KCNQ5: variants seen among roughly 807,000 people sequenced by gnomAD.
KCNQ5 encodes the protein potassium voltage-gated channel subfamily KQT member 5.
Under a neutral mutation model 98.2 loss-of-function variants are expected in KCNQ5, and 30 were observed. The observed-to-expected ratio is 0.31, with a 90% CI of 0.23 to 0.41. KCNQ5 has a LOEUF of 0.41. Ranked by LOEUF, KCNQ5 falls within the 10% of genes least tolerant of loss-of-function variation. The pLI, the probability that KCNQ5 is intolerant of heterozygous loss-of-function variation, is 1.00. For missense variants in KCNQ5, 835 were observed against 1,182.5 expected (o/e 0.71, Z 4.31); for synonymous variants, 458 against 449.4 (o/e 1.02, Z -0.24).
At chr6:73,001,280 C>A (rs1342766347) in intron 1 of KCNQ5, among the ~76,000 whole-genome samples, 1 of 152,184 alleles carries the variant, frequency 6.6e-6, no homozygotes, top group Non-Finnish European at 1.5e-5. Context: ...ACTTTGCCCA[C>A]CTCACTAGAT....
chr6:73,043,669 A>G (rs1771822639), intron 3 of KCNQ5, among the ~76,000 whole-genome samples: 3 of 152,224 alleles, frequency 2.0e-5, no homozygotes, highest in African/African-American at 7.2e-5. Context: ...CTCAACTTCT[A>G]CAGGATAAGG....
At chr6:73,175,412 T>A (rs9351980) in intron 11 of KCNQ5, among the ~76,000 whole-genome samples, 72,328 of 151,938 alleles carry the variant, frequency 0.48, 21,278 homozygotes, top group African/African-American at 0.82. Context: ...TTGGCTTCCC[T>A]AAGTGCTGGG....
At chr6:73,159,316 G>C (rs553377600) in intron 10 of KCNQ5, among the ~76,000 whole-genome samples, 2 of 152,152 alleles carry the variant, frequency 1.3e-5, no homozygotes, top group Non-Finnish European at 2.9e-5. Flanking sequence ...TGGACACAAA[G>C]AGGGGAAAAA....
chr6:72,691,010 C>G (rs1237817470), intron 1 of KCNQ5, among the ~76,000 whole-genome samples: 1 of 152,118 alleles, frequency 6.6e-6, no homozygotes, highest in Non-Finnish European at 1.5e-5. Flanking sequence ...CTCTTAACCA[C>G]TGTGTTTATT....
intron 1 of KCNQ5, among the ~76,000 whole-genome samples, chr6:72,813,899 G>C (rs951141318): frequency 4.6e-5 from 7 of 152,094 alleles, no homozygotes; most frequent in Admixed American, 3.9e-4. Flanking sequence ...TGGATATGGA[G>C]AGTCAACTGT....
In KCNQ5 at chr6:73,158,811, T is replaced by C. The variant is rs1252411981; in HGVS notation, c.1469-10935T>C. Among the ~76,000 whole-genome samples, 4 of 152,216 alleles carry C rather than the reference T, an allele frequency of 2.6e-5. No homozygotes were observed. In the East Asian group the frequency reaches 7.7e-4, roughly 29 times the overall value. ...CAACATAAGTAGTTTCATATTTTAA[T>C]TTCATTGCACATTTTTAAATATTTT... is the stretch of plus-strand genomic sequence containing the variant. On this transcript the variant is annotated intron_variant, in intron 10 of 13. Transcript: ENST00000370398.
chr6:72,898,889 T>C (rs1779364091), intron 1 of KCNQ5, among the ~76,000 whole-genome samples: 1 of 152,204 alleles, frequency 6.6e-6, no homozygotes, highest in African/African-American at 2.4e-5. Flanking sequence ...TGAGATGGTA[T>C]CTCATGTGGT....
intron 1 of KCNQ5, among the ~76,000 whole-genome samples, chr6:72,760,635 C>G (rs756116957): frequency 2.0e-5 from 3 of 152,068 alleles, no homozygotes; most frequent in Non-Finnish European, 4.4e-5. Context: ...CTAATATAGA[C>G]AGGATTCCCA....
chr6:73,071,042 G>A (rs1458499696), intron 3 of KCNQ5, among the ~76,000 whole-genome samples: 1 of 152,082 alleles, frequency 6.6e-6, no homozygotes, highest in East Asian at 1.9e-4. Context: ...AAAATGACAT[G>A]AAATCCAGGC....
intron 1 of KCNQ5, among the ~76,000 whole-genome samples, chr6:72,909,783 A>AGG (rs1315371570): frequency 7.5e-4 from 114 of 152,346 alleles, no homozygotes; most frequent in African/African-American, 2.7e-3. Flanking sequence ...GAGATTTCTA[A>AGG]ATTAATAGAC....
intron 6 of KCNQ5, among the ~76,000 whole-genome samples, chr6:73,108,534 A>G (rs1036632689): frequency 6.6e-6 from 1 of 152,214 alleles, no homozygotes; most frequent in Admixed American, 6.5e-5. Context: ...GTTTAAAAAA[A>G]CAGGGCATCT....
chr6:72,677,501 C>T (rs1767473790), intron 1 of KCNQ5, among the ~76,000 whole-genome samples: 1 of 152,206 alleles, frequency 6.6e-6, no homozygotes, highest in Non-Finnish European at 1.5e-5. Context: ...TCTGCTGTCA[C>T]AGAGAATAAA....
chr6:72,623,331 G>A (rs1399500054), intron 1 of KCNQ5, among the ~76,000 whole-genome samples: 1 of 151,322 alleles, frequency 6.6e-6, no homozygotes, highest in East Asian at 1.9e-4. Context: ...GCGCAAATGG[G>A]TCGCCTCTGA....
intron 1 of KCNQ5, among the ~76,000 whole-genome samples, chr6:72,990,669 C>G (rs1769051941): frequency 8.0e-6 from 1 of 125,092 alleles, no homozygotes; most frequent in Admixed American, 8.9e-5. Flanking sequence ...TGCCTGATTG[C>G]CCTGGCCAGA....
chr6:72,694,159 C>T (rs1474646636), intron 1 of KCNQ5, among the ~76,000 whole-genome samples: 1 of 152,048 alleles, frequency 6.6e-6, no homozygotes, highest in East Asian at 1.9e-4. Context: ...AAATATGGAT[C>T]CTTTTTTTTC....
At chr6:73,018,508 T>A (rs1274340567) in intron 2 of KCNQ5, among the ~76,000 whole-genome samples, 1 of 152,040 alleles carries the variant, frequency 6.6e-6, no homozygotes, top group African/African-American at 2.4e-5. Flanking sequence ...TTTTTTTTAA[T>A]CTTGAGCTGT....
chr6:72,641,010 T>G (rs932975531), intron 1 of KCNQ5: 2 of 152,218 alleles, frequency 1.3e-5, no homozygotes, highest in African/African-American at 2.4e-5. Context: ...TTTTATAAAC[T>G]TCTAATAGCT....
At chr6:72,955,178 C>T (rs928688301) in intron 1 of KCNQ5, among the ~76,000 whole-genome samples, 6 of 152,150 alleles carry the variant, frequency 3.9e-5, no homozygotes, top group African/African-American at 1.4e-4. Context: ...TTTATTTTAG[C>T]AGTTAGCATA....
At chr6:73,058,736 A>T (rs1387962902) in intron 3 of KCNQ5, among the ~76,000 whole-genome samples, 1 of 152,218 alleles carries the variant, frequency 6.6e-6, no homozygotes, top group African/African-American at 2.4e-5. Flanking sequence ...AAACAACACC[A>T]TTAAAAAATG....
Sources: gnomAD v4.1 joint callset for allele counts (sites outside exome capture counted in the v4.1 genomes callset) on GRCh38, gnomAD v4.1.1 for gene constraint, MANE v1.5 for transcripts, NCBI Gene and HGNC (gene_info 2026-07-23, HGNC 2026-07-21) for gene names.